Variants in WNK1 observed in about 807,000 individuals in gnomAD.
WNK1 encodes the protein WNK lysine deficient protein kinase 1.
Under a neutral mutation model 222.8 loss-of-function variants are expected in WNK1, and 38 were observed. That is an observed-to-expected ratio of 0.17 (90% CI 0.13 to 0.22). The LOEUF (loss-of-function observed/expected upper bound fraction) is 0.22. WNK1 is among the 10% of genes least tolerant of loss of function. WNK1 has a pLI of 1.00. For missense variants in WNK1, 2,348 were observed against 2,918.4 expected, an observed-to-expected ratio of 0.80 and a Z score of 4.50; for synonymous variants, 1,090 against 1,092.9, an observed-to-expected ratio of 1.00 and a Z score of 0.05.
At chr12:757,160 T>C (rs891595444) in intron 1 of WNK1, among the ~76,000 whole-genome samples, 6 of 152,100 alleles carry the variant, frequency 3.9e-5, no homozygotes, top group Admixed American at 3.3e-4. Flanking sequence ...GGCTTCTGTT[T>C]TGGGTGTTGA....
At chr12:819,740 T>C (rs1184169606) in intron 2 of WNK1, among the ~76,000 whole-genome samples, 2 of 152,172 alleles carry the variant, frequency 1.3e-5, no homozygotes, top group East Asian at 3.8e-4. Flanking sequence ...TAAGTTAACT[T>C]TTGTGTATGC....
chr12:871,136 A>G lies in WNK1; in HGVS notation c.2140-129A>G, dbSNP rs1384540081. On this transcript the variant is annotated intron_variant, in intron 8 of 27. Transcript: ENST00000315939. The stretch of plus-strand genomic sequence containing the variant: ...GTTGACCCAGAGGCCTCTCCCATAC[A>G]TAATCAGGTTAATGTTTCATTTTGA... 6 of 869,980 alleles carry G rather than the reference A, an allele frequency of 6.9e-6. No homozygotes were observed. The East Asian group carries it at 1.3e-4, about 19-fold the overall frequency. The allele number at this position is 869,980 out of a possible 1,614,324, so 53.9% of individuals were successfully genotyped here.
At chr12:809,378 T>C (rs898355100) in intron 1 of WNK1, among the ~76,000 whole-genome samples, 1 of 151,880 alleles carries the variant, frequency 6.6e-6, no homozygotes, top group South Asian at 2.1e-4. Context: ...TTTTCACCCA[T>C]TGAGGAAAGT....
At position 826,851 on chromosome 12, in the gene WNK1, CTT is replaced by C. The variant is rs72648620; in HGVS notation, c.933-190_933-189del. Reference sequence around the variant, plus strand: ...TTGGAAGACTTATTTTTCTGGGTCTCTTAATAGAATTTTTATTTTAAACTATC... The same window carrying C: ...TTGGAAGACTTATTTTTCTGGGTCTCAATAGAATTTTTATTTTAAACTATC... On this transcript the variant is annotated intron_variant, in intron 2 of 27. Transcript: ENST00000315939. Among the ~76,000 whole-genome samples, 5,218 of 152,180 alleles carry C rather than the reference CTT, an allele frequency of 0.034. 301 individuals are homozygous for C. The highest frequency in any genetic ancestry group is 0.12 in the African/African-American group (4,910 of 41,492).
chr12:850,293 T>C (rs1353744807), intron 4 of WNK1, among the ~76,000 whole-genome samples: 1 of 151,958 alleles, frequency 6.6e-6, no homozygotes, highest in East Asian at 1.9e-4. Flanking sequence ...CATTGTGGTT[T>C]TGATTTGCAT....
rs1955174433 is a variant in WNK1, at chr12:900,606, C to T, written c.6579C>T (p.Asn2193=). 6.2e-7 allele frequency: 1 copy of T among 1,614,218 alleles called. No individual in the cohort carries two copies. The highest frequency in any genetic ancestry group is 8.5e-7 in the Non-Finnish European group (1 of 1,180,040). ...QPLKPSPSSD[N]LYSAFTSDGA... The stretch of plus-strand genomic sequence containing the variant: ...TTAAGCCATCTCCCTCCAGTGACAA[C>T]CTCTATTCAGCCTTCACCAGTGATG... Residue 2193 remains asparagine, a synonymous_variant, in exon 26 of 28, where the codon AAC becomes AAT. Transcript: ENST00000315939.
intron 1 of WNK1, among the ~76,000 whole-genome samples, chr12:761,682 G>C (rs1013498058): frequency 1.4e-5 from 2 of 147,778 alleles, no homozygotes; most frequent in Non-Finnish European, 3.0e-5. Context: ...GAGATTAACA[G>C]ATTTCTTGGG....
intron 26 of WNK1, among the ~76,000 whole-genome samples, chr12:902,149 G>A (rs1188940946): frequency 2.0e-5 from 3 of 149,404 alleles, no homozygotes; most frequent in Non-Finnish European, 4.5e-5. Flanking sequence ...AAAAAAAAAA[G>A]TTAGCCTGGC....
intron 1 of WNK1, among the ~76,000 whole-genome samples, chr12:810,764 A>G (rs1393328615): frequency 6.6e-6 from 1 of 152,238 alleles, no homozygotes; most frequent in African/African-American, 2.4e-5. Context: ...TGTACTAAAC[A>G]TTAGCATTGT....
At chr12:838,614 T>G (rs11064565) in intron 4 of WNK1, among the ~76,000 whole-genome samples, 1 of 147,456 alleles carries the variant, frequency 6.8e-6, no homozygotes, top group Non-Finnish European at 1.5e-5. Context: ...CGAGGTTTTG[T>G]CATGTTGCCC....
Position 818,747 on chromosome 12 carries a change from G to A in WNK1, c.932+4933G>A, listed in dbSNP as rs371175315. On this transcript the variant is annotated intron_variant, in intron 2 of 27. Transcript: ENST00000315939. The stretch of plus-strand genomic sequence containing the variant: ...TATGTTATGGATCCTTGTGTTTGGC[G>A]TCTTTCACTTAGCATGGTGTTTTCG... Among the ~76,000 whole-genome samples the A allele has an allele frequency of 2.3e-3, 354 of 152,258 alleles. 9 individuals are homozygous for A. The South Asian group carries it at 0.039, about 17-fold the overall frequency.
At chr12:807,710 T>G (rs1946494795) in intron 1 of WNK1, among the ~76,000 whole-genome samples, 1 of 123,716 alleles carries the variant, frequency 8.1e-6, no homozygotes, top group African/African-American at 3.1e-5. Flanking sequence ...GAGCAATAAT[T>G]CTTTTTTTTT....
chr12:844,890 CTTTTTTT>C (rs11352734), intron 4 of WNK1, among the ~76,000 whole-genome samples: 2 of 80,430 alleles, frequency 2.5e-5, no homozygotes, highest in Non-Finnish European at 4.7e-5. Context: ...TGTACCTTCT[CTTTTTTT>C]TTTTTTTTTT....
intron 2 of WNK1, among the ~76,000 whole-genome samples, chr12:816,910 A>G (rs1947391568): frequency 6.6e-6 from 1 of 152,228 alleles, no homozygotes; most frequent in Admixed American, 6.5e-5. Flanking sequence ...TGATGTCAGT[A>G]AAGATATTTG....
intron 1 of WNK1, among the ~76,000 whole-genome samples, chr12:807,834 C>T (rs1946519906): frequency 6.6e-6 from 1 of 151,266 alleles, no homozygotes. Flanking sequence ...ATTCTCCGGC[C>T]TCAGCCTCCC....
intron 1 of WNK1, among the ~76,000 whole-genome samples, chr12:804,258 A>G (rs1009309364): frequency 6.6e-6 from 1 of 152,192 alleles, no homozygotes; most frequent in African/African-American, 2.4e-5. Context: ...AGTAATGTTC[A>G]GCCTTTTTGG....
intron 1 of WNK1, among the ~76,000 whole-genome samples, chr12:802,918 A>AC (rs1212145797): frequency 6.6e-6 from 1 of 152,236 alleles, no homozygotes; most frequent in Admixed American, 6.5e-5. Flanking sequence ...TTAGATGGAT[A>AC]TGTTCAATAA....
chr12:780,667 A>G (rs11608756), intron 1 of WNK1, among the ~76,000 whole-genome samples: 86,442 of 152,100 alleles, frequency 0.57, 24,964 homozygotes, highest in East Asian at 0.81. Context: ...CAAATAGGAA[A>G]TTCTGAATTA....
At position 904,401 on chromosome 12, in the gene WNK1, T is replaced by C. The variant is rs967209157; in HGVS notation, c.6644-3446T>C. ...TGCTGTTTGGAGATTCTAAATATTT[T>C]ACACTGATGTTTCTTTATCTTTAAC... is the stretch of plus-strand genomic sequence containing the variant. On this transcript the variant is annotated intron_variant, in intron 26 of 27. Transcript: ENST00000315939. 3 of 1,270,876 alleles carry C rather than the reference T, an allele frequency of 2.4e-6. No individual in the cohort carries two copies. In the African/African-American group the frequency reaches 4.6e-5, roughly 19 times the overall value. 78.7% of individuals were successfully genotyped at this position (1,270,876 alleles called of 1,614,324 possible). A position where few individuals can be genotyped will look rare whatever the true frequency, so the allele number is the denominator to read the frequency against.
Sources: allele counts gnomAD v4.1 joint callset (sites outside exome capture counted in the v4.1 genomes callset), GRCh38; gene constraint gnomAD v4.1.1; transcripts MANE v1.5; gene names NCBI Gene and HGNC (gene_info 2026-07-23, HGNC 2026-07-21).